Variants in ABCA12 observed in about 807,000 individuals in gnomAD.
ABCA12 encodes the protein ATP binding cassette subfamily A member 12, also known as glucosylceramide transporter ABCA12.
A neutral mutation model predicts 293.5 loss-of-function variants in ABCA12; 156 were observed. The observed-to-expected ratio is 0.53, with a 90% confidence interval of 0.47 to 0.61. ABCA12 has a LOEUF of 0.61. Among genes scored for constraint, ABCA12 ranks in the 20% least tolerant of loss-of-function variants. The probability of loss-of-function intolerance (pLI) is 0.00; values close to 1 mark genes in which losing one functional copy is unlikely to be tolerated. For missense variants in ABCA12, 2,797 were observed against 3,090.2 expected (o/e 0.91, Z 2.25); for synonymous variants, 1,063 against 1,108.0 (o/e 0.96, Z 0.81).
At chr2:215,128,919 G>A (rs554494842) in intron 1 of ABCA12, among the ~76,000 whole-genome samples, 37 of 152,194 alleles carry the variant, frequency 2.4e-4, no homozygotes, top group African/African-American at 8.0e-4. Context: ...CTTCTCATTT[G>A]GGTAGGCTCT....
chr2:215,103,263 CTTTCTTT>C (rs565228075), intron 2 of ABCA12, among the ~76,000 whole-genome samples: 2,175 of 81,342 alleles, frequency 0.027, 83 homozygotes, highest in African/African-American at 0.077. Flanking sequence ...CTTAAAATTT[CTTTCTTT>C]TTTTTTTTTT....
intron 50 of ABCA12, among the ~76,000 whole-genome samples, chr2:214,938,519 A>G (rs1024915403): frequency 2.0e-5 from 3 of 152,312 alleles, no homozygotes; most frequent in East Asian, 1.9e-4. Context: ...TTCTGGTTCT[A>G]TATCCTTGAG....
At chr2:215,045,632 T>C (rs1575007306) in intron 7 of ABCA12, among the ~76,000 whole-genome samples, 1 of 152,280 alleles carries the variant, frequency 6.6e-6, no homozygotes, top group Middle Eastern at 3.4e-3. Context: ...CGTGGATGCT[T>C]CCATAACCTT....
rs1553523037 is a variant in ABCA12, at chr2:214,975,784, C to G, written c.5381+1G>C. On this transcript the variant is annotated splice_donor_variant, in intron 34 of 52. Transcript: ENST00000272895. LOFTEE classifies it high-confidence loss of function. ...CTTTTAGTTAACAGAAAGAAACTTA[C>G]GCATAGAAGGCTGTCTGTTCGGAGG... 5 of 1,614,018 alleles carry G rather than the reference C, an allele frequency of 3.1e-6. No individual in the cohort carries two copies. Among genetic ancestry groups the G allele is most frequent in the Non-Finnish European group, 4.2e-6 (5 of 1,179,936 alleles).
intron 2 of ABCA12, among the ~76,000 whole-genome samples, chr2:215,111,392 A>G (rs951804327): frequency 9.2e-5 from 14 of 152,208 alleles, no homozygotes; most frequent in African/African-American, 3.4e-4. Flanking sequence ...CAAGCTTCAT[A>G]TTTTTCTAGA....
chr2:215,015,985 A>G (rs1199105834), intron 14 of ABCA12, among the ~76,000 whole-genome samples: 1 of 151,802 alleles, frequency 6.6e-6, no homozygotes, highest in Non-Finnish European at 1.5e-5. Flanking sequence ...TCTACTAAAG[A>G]TACAATAAAT....
At chr2:215,124,166 T>G (rs896387083) in intron 1 of ABCA12, among the ~76,000 whole-genome samples, 1 of 152,246 alleles carries the variant, frequency 6.6e-6, no homozygotes, top group Non-Finnish European at 1.5e-5. Flanking sequence ...ATCCACTTGT[T>G]GATTGATGGG....
chr2:214,979,414 C>T (rs982511410), intron 31 of ABCA12, among the ~76,000 whole-genome samples: 2 of 152,306 alleles, frequency 1.3e-5, no homozygotes, highest in South Asian at 2.1e-4. Flanking sequence ...CTCAGCTCAA[C>T]TGTCACTTTA....
chr2:215,134,271 C>A (rs369280632), intron 1 of ABCA12, among the ~76,000 whole-genome samples: 1 of 137,460 alleles, frequency 7.3e-6, no homozygotes, highest in Admixed American at 7.3e-5. Flanking sequence ...TACATATATA[C>A]GTATATGTGT....
chr2:215,106,373 A>G (rs1298937906), intron 2 of ABCA12, among the ~76,000 whole-genome samples: 3 of 152,108 alleles, frequency 2.0e-5, no homozygotes, highest in Admixed American at 6.5e-5. Flanking sequence ...TGCTCAATCT[A>G]TGATAGTCCT....
chr2:214,944,881 A>G (rs1337296387), intron 49 of ABCA12, 120 bp downstream of exon 49: 2 of 718,124 alleles, frequency 2.8e-6, no homozygotes, highest in African/African-American at 3.5e-5. Context: ...GTGTATATAT[A>G]TATATACACA....
chr2:215,109,413 T>C (rs150834129), intron 2 of ABCA12, among the ~76,000 whole-genome samples: 1 of 152,208 alleles, frequency 6.6e-6, no homozygotes, highest in Non-Finnish European at 1.5e-5. Flanking sequence ...CACTTCTACT[T>C]GTAATAACAA....
At chr2:215,051,872 T>C (rs1701327686) in intron 5 of ABCA12, among the ~76,000 whole-genome samples, 1 of 152,090 alleles carries the variant, frequency 6.6e-6, no homozygotes, top group Non-Finnish European at 1.5e-5. Context: ...GCACGTGTTC[T>C]GCCTAAAGGC....
Position 214,989,584 on chromosome 2 carries a change from T to C in ABCA12, c.3662A>G (p.Gln1221Arg). The C allele has an allele frequency of 6.2e-7, 1 of 1,614,116 alleles. No individual in the cohort carries two copies. The highest frequency in any genetic ancestry group is 8.5e-7 in the Non-Finnish European group (1 of 1,179,982). Residue 1221 changes from glutamine (Q) to arginine (R), a missense_variant, in exon 25 of 53, where the codon CAA becomes CGA. By Grantham distance (43) the Gln-to-Arg change is conservative. Transcript: ENST00000272895. Reference protein sequence around the residue: ...LSPTAFSYASQYIARYEEQGI... With the variant: ...LSPTAFSYASRYIARYEEQGI... Reference sequence around the variant, plus strand: ...CTGTTCTTCGTATCGTGCAATGTATTGGCTTGCATAGCTGAATGCTGTTGG... The same window carrying C: ...CTGTTCTTCGTATCGTGCAATGTATCGGCTTGCATAGCTGAATGCTGTTGG...
At position 214,966,867 on chromosome 2, in the gene ABCA12, T is replaced by C. The variant is rs779474724; in HGVS notation, c.5865A>G (p.Lys1955=). 6.2e-7 allele frequency: 1 copy of C among 1,613,804 alleles called. No homozygotes were observed. Among genetic ancestry groups the C allele is most frequent in the South Asian group, 1.1e-5 (1 of 91,074 alleles). Residue 1955 remains lysine, a synonymous_variant, in exon 39 of 53, where the codon AAA becomes AAG. Transcript: ENST00000272895. ...NNFLLRVNMS[K]YDAARHGIIM... ...CTTTACCATGTCGGGCAGCATCGTA[T>C]TTTGACATGTTAACTCGCAGAAGGA...
At chr2:214,987,517 T>A (rs1699813560) in intron 27 of ABCA12, 130 bp downstream of exon 27, 2 of 1,215,066 alleles carry the variant, frequency 1.6e-6, no homozygotes, top group East Asian at 5.1e-5. Context: ...GACGCATGTG[T>A]AGACATTTTC....
chr2:215,036,927 A>C (rs1470341867), intron 8 of ABCA12, 26 bp downstream of exon 8: 2 of 1,589,558 alleles, frequency 1.3e-6, no homozygotes, highest in Non-Finnish European at 1.7e-6. Context: ...CACTGAATTT[A>C]ACACAGTAAG....
intron 47 of ABCA12, 64 bp downstream of exon 47, chr2:214,948,532 G>A (rs1698652236): frequency 2.6e-6 from 4 of 1,553,802 alleles, no homozygotes; most frequent in Non-Finnish European, 3.5e-6. Flanking sequence ...GTGTGGTGGG[G>A]TGGGGGATGG....
At chr2:215,015,347 GC>G (rs1700469500) in intron 15 of ABCA12, 142 bp downstream of exon 15, 2 of 817,646 alleles carry the variant, frequency 2.4e-6, no homozygotes, top group African/African-American at 3.4e-5. Flanking sequence ...CTCTAAGGTT[GC>G]ATTTAGCTTT....
Sources: allele counts gnomAD v4.1 joint callset (sites outside exome capture counted in the v4.1 genomes callset), GRCh38; gene constraint gnomAD v4.1.1; transcripts MANE v1.5; gene names NCBI Gene and HGNC (gene_info 2026-07-23, HGNC 2026-07-21).